Variants in CADPS observed in about 807,000 individuals in gnomAD.
CADPS encodes the protein calcium-dependent secretion activator 1.
Under a neutral mutation model 167.3 loss-of-function variants are expected in CADPS, and 57 were observed. That is an observed-to-expected ratio of 0.34 (90% CI 0.28 to 0.42). The LOEUF (loss-of-function observed/expected upper bound fraction) is 0.42, where lower values mean the gene tolerates loss of function less well. Ranked by LOEUF, CADPS falls within the 20% of genes least tolerant of loss-of-function variation. The pLI is 1.00. For missense variants in CADPS, 1,414 were observed against 1,738.1 expected, an observed-to-expected ratio of 0.81 and a Z score of 3.32; for synonymous variants, 676 against 635.3, an observed-to-expected ratio of 1.06 and a Z score of -0.96.
At chr3:62,537,560 ATCT>A (rs1285355691) in intron 11 of CADPS, among the ~76,000 whole-genome samples, 2 of 152,180 alleles carry the variant, frequency 1.3e-5, no homozygotes, top group Non-Finnish European at 2.9e-5. Flanking sequence ...GAGAAAAAGA[ATCT>A]TCTATCAAAT....
intron 1 of CADPS, among the ~76,000 whole-genome samples, chr3:62,810,097 CAAGCCACTA>C: frequency 6.6e-6 from 1 of 152,022 alleles, no homozygotes; most frequent in South Asian, 2.1e-4. Flanking sequence ...TGATGCTGGT[CAAGCCACTA>C]CCATTACGGG....
At chr3:62,830,611 T>C (rs1559823703) in intron 1 of CADPS, among the ~76,000 whole-genome samples, 1 of 152,132 alleles carries the variant, frequency 6.6e-6, no homozygotes, top group African/African-American at 2.4e-5. Flanking sequence ...CACTCAGTCA[T>C]AAACAAAGTC....
chr3:62,481,978 C>T (rs2062086458), intron 21 of CADPS, 109 bp from the exon 22 acceptor site: 1 of 1,088,432 alleles, frequency 9.2e-7, no homozygotes, highest in Non-Finnish European at 1.4e-6. Flanking sequence ...AGCAAGACAA[C>T]AGCAAAAACT....
At position 62,516,586 on chromosome 3, in the gene CADPS, C is replaced by T. The variant is rs1270540307; in HGVS notation, c.2451G>A (p.Leu817=). ...CTTTTACTTTCATTCTTACCCTTTCCAAGAGTGAGAGAGTAGCTTTCAAAG... is the reference window on the plus strand; with the variant it reads ...CTTTTACTTTCATTCTTACCCTTTCTAAGAGTGAGAGAGTAGCTTTCAAAG... ...EGALKATLSL[L]ERVLMKDIVT... The change falls in exon 15 of 30, where the codon TTG becomes TTA. Residue 817 remains leucine, a synonymous_variant. Transcript: ENST00000383710. The T allele has an allele frequency of 6.2e-7, 1 of 1,601,052 alleles. No homozygotes were observed. The highest frequency in any genetic ancestry group is 1.7e-5 in the Admixed American group (1 of 59,510).
At chr3:62,756,839 T>TG (rs1285565258) in intron 2 of CADPS, among the ~76,000 whole-genome samples, 2 of 151,958 alleles carry the variant, frequency 1.3e-5, no homozygotes, top group African/African-American at 4.8e-5. Flanking sequence ...CAATGAGGGC[T>TG]GGGGGTGACA....
At chr3:62,474,424 T>A in intron 23 of CADPS, 104 bp from the exon 24 acceptor site, 1 of 1,008,032 alleles carries the variant, frequency 9.9e-7, no homozygotes, top group Non-Finnish European at 1.5e-6. Context: ...AAGGCTGTAA[T>A]CAGTTTCAGT....
rs1363462907 is a variant in CADPS, at chr3:62,599,980, A to G, written c.1326-7232T>C. 2.6e-5 allele frequency among the ~76,000 whole-genome samples: 3 copies of G among 114,900 alleles called. No individual in the cohort carries two copies. In the East Asian group the frequency reaches 6.6e-4, roughly 25 times the overall value. 75.4% of individuals were successfully genotyped at this position (114,900 alleles called of 152,430 possible). A position where few individuals can be genotyped will look rare whatever the true frequency, so the allele number is the denominator to read the frequency against. Reference sequence around the variant, plus strand: ...TATAATGATATACATGGCACCCAACACAGGGCCTGGAACACAGTAAATATT... The same window carrying G: ...TATAATGATATACATGGCACCCAACGCAGGGCCTGGAACACAGTAAATATT... On this transcript the variant is annotated intron_variant, in intron 6 of 29. Coordinates refer to ENST00000383710, the MANE Select transcript of CADPS (RefSeq NM_003716.4).
At chr3:62,809,818 A>G (rs2094308693) in intron 1 of CADPS, among the ~76,000 whole-genome samples, 1 of 152,156 alleles carries the variant, frequency 6.6e-6, no homozygotes, top group Non-Finnish European at 1.5e-5. Context: ...GTGTATGGTA[A>G]TACCATACAC....
At chr3:62,805,129 G>A (rs778025158) in intron 1 of CADPS, among the ~76,000 whole-genome samples, 36 of 152,228 alleles carry the variant, frequency 2.4e-4, no homozygotes, top group Non-Finnish European at 4.3e-4. Context: ...CATGCCTATA[G>A]CACTCCCCAG....
chr3:62,608,784 T>G (rs2061062224), intron 6 of CADPS, among the ~76,000 whole-genome samples: 1 of 152,208 alleles, frequency 6.6e-6, no homozygotes, highest in South Asian at 2.1e-4. Flanking sequence ...TAAAATTTGA[T>G]GACCAGTACT....
chr3:62,550,122 G>T lies in CADPS; in HGVS notation c.1754-7C>A, dbSNP rs767343005. 1.9e-6 allele frequency: 3 copies of T among 1,610,492 alleles called. No homozygotes were observed. The highest frequency in any genetic ancestry group is 2.5e-6 in the Non-Finnish European group (3 of 1,176,794). On this transcript the variant is annotated splice_polypyrimidine_tract_variant and splice_region_variant and intron_variant, in intron 10 of 29. Coordinates refer to ENST00000383710, the MANE Select transcript of CADPS (RefSeq NM_003716.4). ...GCTCGGCCACCCTCCAAACCTGGAA[G>T]AAAAGGGAGTAACAACTTCTACTAA...
rs774141057 is a variant in CADPS, at chr3:62,645,851, G to T, written c.1204-8C>A. 6.2e-7 allele frequency: 1 copy of T among 1,613,858 alleles called. No homozygotes were observed. On this transcript the variant is annotated splice_polypyrimidine_tract_variant and splice_region_variant and intron_variant, in intron 5 of 29. Coordinates refer to ENST00000383710, the MANE Select transcript of CADPS (RefSeq NM_003716.4). The stretch of plus-strand genomic sequence containing the variant: ...GACTTCCATAATTACCACCTGAAAA[G>T]AGAATTCCACATAATGGAGGTTATT...
At chr3:62,423,762 T>A (rs2051986848) in intron 28 of CADPS, among the ~76,000 whole-genome samples, 1 of 152,170 alleles carries the variant, frequency 6.6e-6, no homozygotes, top group Non-Finnish European at 1.5e-5. Context: ...CCAGTGAATA[T>A]TGGCTCTCAT....
rs558289554 is a variant in CADPS, at chr3:62,403,161, C to T, written c.3802G>A (p.Val1268Met). Residue 1268 changes from valine (V) to methionine (M), a missense_variant, in exon 29 of 30, where the codon GTG (valine) becomes ATG (methionine). Val to Met is a conservative substitution (Grantham distance 21). Around this residue, in one of 6 missense-constraint regions of CADPS, gnomAD observed 185 missense variants for 251.5 expected, o/e 0.74. Transcript: ENST00000383710. ...CGGTCCGTCAACCAGGTGCAGATCA[C>T]GTTCATGGAGCTGTTGTACCATTGC... ...FDQWYNSSMN[V>M]ICTWLTDRMD... The T allele has an allele frequency of 5.0e-5, 81 of 1,613,260 alleles. No homozygotes were observed. The highest frequency in any genetic ancestry group is 3.4e-4 in the South Asian group (31 of 91,008).
intron 26 of CADPS, among the ~76,000 whole-genome samples, chr3:62,453,399 T>G (rs1222052559): frequency 1.3e-5 from 2 of 152,102 alleles, no homozygotes; most frequent in Non-Finnish European, 2.9e-5. Context: ...GAGAAAGGGA[T>G]TTTGCAGGAA....
intron 6 of CADPS, among the ~76,000 whole-genome samples, chr3:62,634,345 A>G (rs910266959): frequency 1.3e-5 from 2 of 152,182 alleles, no homozygotes; most frequent in African/African-American, 4.8e-5. Context: ...TATTCATATA[A>G]AATAGTTTTA....
chr3:62,580,884 T>C (rs2148477619), intron 8 of CADPS, among the ~76,000 whole-genome samples: 1 of 152,366 alleles, frequency 6.6e-6, no homozygotes. Flanking sequence ...TTCCCTGATG[T>C]TCTTATTTAA....
intron 6 of CADPS, among the ~76,000 whole-genome samples, chr3:62,597,468 C>T (rs1351671428): frequency 6.6e-6 from 1 of 152,208 alleles, no homozygotes; most frequent in Non-Finnish European, 1.5e-5. Flanking sequence ...GAAGCTTTAA[C>T]ACTAAGCCAC....
At chr3:62,409,434 G>A (rs974276207) in intron 28 of CADPS, among the ~76,000 whole-genome samples, 5 of 152,240 alleles carry the variant, frequency 3.3e-5, no homozygotes, top group African/African-American at 1.2e-4. Flanking sequence ...TACATTTTAT[G>A]AAGATAGAAA....
Sources: allele counts gnomAD v4.1 joint callset (sites outside exome capture counted in the v4.1 genomes callset), GRCh38; gene constraint gnomAD v4.1.1; regional missense constraint gnomAD v4.1.1; transcripts MANE v1.5; gene names NCBI Gene and HGNC (gene_info 2026-07-23, HGNC 2026-07-21).